C9orf43: variants seen among roughly 807,000 people sequenced by gnomAD.
The protein encoded by C9orf43 is uncharacterized protein C9orf43.
C9orf43 carries 45 observed loss-of-function variants against 59.1 expected under a neutral mutation model. The ratio of observed to expected loss-of-function variants is 0.76; its 90% CI spans 0.60 to 0.98. The LOEUF (loss-of-function observed/expected upper bound fraction) is 0.98, where lower values mean the gene tolerates loss of function less well. C9orf43 is among the 50% of genes least tolerant of loss of function. C9orf43 has a pLI of 0.00. For synonymous variants in C9orf43, 203 were observed against 196.8 expected (o/e 1.03, Z -0.26); for missense variants, 533 against 554.9 (o/e 0.96, Z 0.40).
Position 113,410,880 on chromosome 9 carries a change from C to G in C9orf43, c.-171C>G, listed in dbSNP as rs1828109765. 2.1e-5 allele frequency: 19 copies of G among 920,868 alleles called. No homozygotes were observed. The highest frequency in any genetic ancestry group is 2.5e-5 in the Non-Finnish European group (19 of 770,250). 57.0% of individuals were successfully genotyped at this position (920,868 alleles called of 1,614,324 possible). ...TTGCTCTCACAGGACCTCAGCCCGTCGTGATCAGATTCTCCCACTTTCTTT... is the reference window on the plus strand; with the variant it reads ...TTGCTCTCACAGGACCTCAGCCCGTGGTGATCAGATTCTCCCACTTTCTTT... On this transcript the variant is annotated 5_prime_UTR_variant, in exon 1 of 14. Coordinates refer to ENST00000374165, the MANE Select transcript of C9orf43 (RefSeq NM_001278629.2).
At chr9:113,416,662 A>G (rs970584505) in intron 3 of C9orf43, among the ~76,000 whole-genome samples, 2 of 151,074 alleles carry the variant, frequency 1.3e-5, no homozygotes, top group African/African-American at 4.9e-5. Context: ...TCTGAGTAGA[A>G]CACTTTTTCT....
chr9:113,412,649 C>T (rs771326332), intron 1 of C9orf43, among the ~76,000 whole-genome samples: 4 of 152,234 alleles, frequency 2.6e-5, no homozygotes, highest in South Asian at 2.1e-4. Flanking sequence ...TGCAGTCCTA[C>T]TTAGGGATTC....
At chr9:113,416,180 G>A (rs913567238) in intron 3 of C9orf43, among the ~76,000 whole-genome samples, 1 of 152,160 alleles carries the variant, frequency 6.6e-6, no homozygotes, top group African/African-American at 2.4e-5. Flanking sequence ...CTTCTGAACT[G>A]GTTTCCCTGC....
chr9:113,420,606 T>C (rs1828526554), intron 4 of C9orf43: 3 of 209,866 alleles, frequency 1.4e-5, no homozygotes, highest in South Asian at 3.3e-4. Flanking sequence ...GAGCACTATG[T>C]TCTAGGATCC....
intron 11 of C9orf43, among the ~76,000 whole-genome samples, chr9:113,427,423 C>T (rs1230708400): frequency 2.6e-5 from 4 of 152,304 alleles, no homozygotes; most frequent in South Asian, 2.1e-4. Context: ...GTGATCTGCC[C>T]GCCTCGGCCT....
chr9:113,418,360 T>A (rs1828450777), intron 3 of C9orf43, among the ~76,000 whole-genome samples: 1 of 152,238 alleles, frequency 6.6e-6, no homozygotes, highest in East Asian at 1.9e-4. Flanking sequence ...CATAGTATAA[T>A]GTTTCCAGTG....
chr9:113,426,521 C>T (rs1178059238), intron 11 of C9orf43, among the ~76,000 whole-genome samples: 1 of 152,148 alleles, frequency 6.6e-6, no homozygotes, highest in African/African-American at 2.4e-5. Flanking sequence ...AATCCTGGGG[C>T]ACTGGGAGGG....
chr9:113,414,980 C>T lies in C9orf43; in HGVS notation c.287+1086C>T, dbSNP rs541872818. Among the ~76,000 whole-genome samples, 25 of 152,230 alleles carry T rather than the reference C, an allele frequency of 1.6e-4. No homozygotes were observed. In the South Asian group the frequency reaches 2.1e-3, roughly 13 times the overall value. The stretch of plus-strand genomic sequence containing the variant: ...CCGAGTATCTGGAATTACAGGCGTG[C>T]ACCACCATGCGTGGCTGATTTTTAT... On this transcript the variant is annotated intron_variant, in intron 3 of 13. Transcript: ENST00000374165.
At chr9:113,424,369 C>T in intron 8 of C9orf43, 53 bp downstream of exon 8, 2 of 1,539,354 alleles carry the variant, frequency 1.3e-6, no homozygotes, top group Non-Finnish European at 8.8e-7. Context: ...TCAAACCCAT[C>T]TCTCCTCAAA....
At chr9:113,423,580 TC>T in intron 7 of C9orf43, 82 bp downstream of exon 7, 1 of 1,352,984 alleles carries the variant, frequency 7.4e-7, no homozygotes, top group Non-Finnish European at 1.0e-6. Context: ...GTGTGCTTTT[TC>T]TGAGTAGGAC....
At chr9:113,427,247 A>G (rs1828825129) in intron 11 of C9orf43, among the ~76,000 whole-genome samples, 1 of 151,028 alleles carries the variant, frequency 6.6e-6, no homozygotes, top group Non-Finnish European at 1.5e-5. Context: ...TCGGCTCACC[A>G]CAACCTCTGC....
At chr9:113,423,589 G>C in intron 7 of C9orf43, 91 bp downstream of exon 7, 1 of 1,259,370 alleles carries the variant, frequency 7.9e-7, no homozygotes, top group Non-Finnish European at 1.1e-6. Context: ...TTCTGAGTAG[G>C]ACTGGGAGAA....
intron 5 of C9orf43, 97 bp downstream of exon 5, chr9:113,421,300 T>C (rs1828561275): frequency 2.3e-6 from 2 of 854,526 alleles, no homozygotes; most frequent in South Asian, 2.9e-5. Flanking sequence ...AGCCAGCTCA[T>C]TGCAAGTAGC....
At chr9:113,420,777 T>G in intron 4 of C9orf43, 1 of 985,270 alleles carries the variant, frequency 1.0e-6, no homozygotes. Flanking sequence ...GTCTTTGGAG[T>G]GGAGTGGGCA....
intron 11 of C9orf43, among the ~76,000 whole-genome samples, chr9:113,426,353 C>T (rs781442912): frequency 6.6e-6 from 1 of 151,288 alleles, no homozygotes; most frequent in African/African-American, 2.4e-5. Flanking sequence ...CAGGCATATA[C>T]TTACCCCTAT....
At chr9:113,423,874 T>G (rs1828682174) in intron 7 of C9orf43, among the ~76,000 whole-genome samples, 1 of 152,230 alleles carries the variant, frequency 6.6e-6, no homozygotes, top group Non-Finnish European at 1.5e-5. Context: ...TGAATTTTGG[T>G]AATGTATTTA....
rs1465208159 is a variant in C9orf43, at chr9:113,413,836, A to T, written c.229A>T (p.Thr77Ser). The T allele has an allele frequency of 4.3e-6, 7 of 1,613,710 alleles. No homozygotes were observed. In the African/African-American group the frequency reaches 6.7e-5, roughly 15 times the overall value. ...TCATCATTTACCAGAATGTACCTTT[A>T]CTAAGGCCCATTCTTTATTGTCTCA... is the stretch of plus-strand genomic sequence containing the variant. Reference protein sequence around the residue: ...AAHHLPECTFTKAHSLLSQSS... With the variant: ...AAHHLPECTFSKAHSLLSQSS... The change falls in exon 3 of 14, where the codon ACT becomes TCT. Residue 77 changes from threonine to serine, a missense_variant. Thr to Ser is a moderately conservative substitution (Grantham distance 58). Transcript: ENST00000374165.
chr9:113,428,121 G>T lies in C9orf43; in HGVS notation c.1031-26G>T, dbSNP rs775112811. 4 of 1,612,996 alleles carry T rather than the reference G, an allele frequency of 2.5e-6. No homozygotes were observed. In the East Asian group the frequency reaches 8.9e-5, roughly 36 times the overall value. The stretch of plus-strand genomic sequence containing the variant: ...GGGTATGATATGGTAATAAGAGGAA[G>T]ATTGAATGGACTCTTTGGTTACTAG... On this transcript the variant is annotated intron_variant, in intron 11 of 13. Transcript: ENST00000374165.
At chr9:113,427,219 G>A (rs1420899273) in intron 11 of C9orf43, among the ~76,000 whole-genome samples, 1 of 152,144 alleles carries the variant, frequency 6.6e-6, no homozygotes, top group East Asian at 1.9e-4. Flanking sequence ...GCCCAGGCTG[G>A]AGTGCCATGG....
Sources: allele counts gnomAD v4.1 joint callset (sites outside exome capture counted in the v4.1 genomes callset), GRCh38; gene constraint gnomAD v4.1.1; transcripts MANE v1.5; gene names NCBI Gene and HGNC (gene_info 2026-07-23, HGNC 2026-07-21).